The following FBN3 variants were observed in gnomAD, a reference collection of about 807,000 sequenced individuals.
FBN3 encodes the protein fibrillin-3.
FBN3 carries 234 observed loss-of-function variants against 330.1 expected under a neutral mutation model. That is an observed-to-expected ratio of 0.71 (90% CI 0.64 to 0.79). FBN3 has a LOEUF of 0.79. Ranked by LOEUF, FBN3 falls within the 30% of genes least tolerant of loss-of-function variation. FBN3 has a pLI of 0.00. For synonymous variants in FBN3, 1,458 were observed against 1,517.3 expected, an observed-to-expected ratio of 0.96 and a Z score of 0.91; for missense variants, 3,606 against 3,886.9, an observed-to-expected ratio of 0.93 and a Z score of 1.92.
chr19:8,095,611 C>T (rs2082192233), intron 45 of FBN3, 108 bp from the exon 46 acceptor site: 2 of 1,207,644 alleles, frequency 1.7e-6, no homozygotes, highest in Non-Finnish European at 2.3e-6. Context: ...TTGGCTTCAA[C>T]TTGAGCACTC....
intron 37 of FBN3, among the ~76,000 whole-genome samples, chr19:8,106,478 C>T (rs1292565403): frequency 6.6e-6 from 1 of 152,240 alleles, no homozygotes. Flanking sequence ...CACATAGTTT[C>T]CTCTAGATAG....
At position 8,118,884 on chromosome 19, in the gene FBN3, GA is replaced by G. The variant is rs756682741; in HGVS notation, c.3337+12del. 3.1e-6 allele frequency: 5 copies of G among 1,605,274 alleles called. No individual in the cohort carries two copies. Among genetic ancestry groups the G allele is most frequent in the Non-Finnish European group, 4.3e-6 (5 of 1,172,816 alleles). On this transcript the variant is annotated intron_variant, in intron 26 of 63. Transcript: ENST00000600128. ...GCTAACACTCACACTTGCACACCCAGATGCACACTTACCCTCACAGGCAGTG... is the reference window on the plus strand; with the variant it reads ...GCTAACACTCACACTTGCACACCCAGTGCACACTTACCCTCACAGGCAGTG...
At chr19:8,124,054 C>G (rs1224254462) in intron 22 of FBN3, 46 bp from the exon 23 acceptor site, 2 of 1,506,362 alleles carry the variant, frequency 1.3e-6, no homozygotes, top group Admixed American at 1.8e-5. Flanking sequence ...CCACACTGTG[C>G]CCACTGCGGG....
Position 8,126,743 on chromosome 19 carries a change from G to T in FBN3, c.2386C>A (p.Arg796=), listed in dbSNP as rs113517176. Residue 796 remains arginine, a synonymous_variant, in exon 19 of 64, where the codon CGG becomes AGG. Coordinates refer to ENST00000600128, the MANE Select transcript of FBN3 (RefSeq NM_032447.5). ...SYTCKCGPGS[R]LDPSGTFCLD... is the part of the protein sequence containing the mutation. ...CAGAAGGTACCAGAGGGGTCCAGCC[G>T]GCTGCCAGGGCCACATTTGCAGGTG... 2 of 1,589,206 alleles carry T rather than the reference G, an allele frequency of 1.3e-6. No individual in the cohort carries two copies. The highest frequency in any genetic ancestry group is 1.8e-5 in the Admixed American group (1 of 55,190).
chr19:8,082,465 CCTT>C (rs1378949150), intron 57 of FBN3, among the ~76,000 whole-genome samples: 7 of 70,998 alleles, frequency 9.9e-5, no homozygotes, highest in African/African-American at 6.6e-4. Flanking sequence ...TCCCTTCCTT[CCTT>C]CCTTCCTTCC....
chr19:8,130,627 A>AGGAAGGAAGGAAGGAAGG (rs57559039), intron 16 of FBN3, among the ~76,000 whole-genome samples: 2 of 29,644 alleles, frequency 6.7e-5, no homozygotes, highest in South Asian at 1.0e-3. Flanking sequence ...AAAGAAAGAA[A>AGGAAGGAAGGAAGGAAGG]GAAAGAAAGA....
chr19:8,102,711 G>T lies in FBN3; in HGVS notation c.5089+13C>A. On this transcript the variant is annotated intron_variant, in intron 40 of 63. Transcript: ENST00000600128. ...GGGCCAGGCTGGGAAGAAGGTTGGG[G>T]AGGGTTACTCACGACTGATGGGAGT... The T allele has an allele frequency of 6.2e-7, 1 of 1,606,700 alleles. No homozygotes were observed. Among genetic ancestry groups the T allele is most frequent in the Non-Finnish European group, 8.5e-7 (1 of 1,174,514 alleles).
intron 59 of FBN3, among the ~76,000 whole-genome samples, chr19:8,075,735 C>T (rs559342556): frequency 2.0e-5 from 3 of 152,238 alleles, no homozygotes; most frequent in Admixed American, 6.5e-5. Flanking sequence ...TGTGTGCATG[C>T]GAGAATTAAA....
chr19:8,073,300 G>A lies in FBN3; in HGVS notation c.7703-3C>T, dbSNP rs746600710. ...CGACAGGGCACACTCATTCTCATCT[G>A]TGGGAGGAAAGGAGGAGGAGAGGGA... On this transcript the variant is annotated splice_region_variant and splice_polypyrimidine_tract_variant and intron_variant, in intron 61 of 63. Transcript: ENST00000600128. 1 of 1,611,212 alleles carries A rather than the reference G, an allele frequency of 6.2e-7. No homozygotes were observed. Among genetic ancestry groups the A allele is most frequent in the Non-Finnish European group, 8.5e-7 (1 of 1,177,912 alleles).
At position 8,131,098 on chromosome 19, in the gene FBN3, C is replaced by A. The variant is rs560266430; in HGVS notation, c.2044+137G>T. On this transcript the variant is annotated intron_variant, in intron 16 of 63. Transcript: ENST00000600128. The surrounding 1 kb of genome is among the most constrained non-coding windows in gnomAD (Gnocchi z 4.5). The stretch of plus-strand genomic sequence containing the variant: ...TGCAGGAGTGTGAGAGAATCAGCTT[C>A]TGTTGTTGAAGCCGTCTGGTCTGGG... The A allele has an allele frequency of 1.4e-6, 1 of 711,930 alleles. No individual in the cohort carries two copies. Among genetic ancestry groups the A allele is most frequent in the Admixed American group, 2.6e-5 (1 of 38,046 alleles). 44.1% of individuals were successfully genotyped at this position (711,930 alleles called of 1,614,324 possible).
rs1017988617 is a variant in FBN3 at position 8,129,437 on chromosome 19, C to T, written c.2045-72G>A. On this transcript the variant is annotated intron_variant, in intron 16 of 63. Transcript: ENST00000600128. This position sits in a 1 kb window ranked among gnomAD's most constrained non-coding sequence, Gnocchi z 4.5. ...TCCGAGGCAGGAGGAGGGTGTGTCG[C>T]GGCGCACCAGGGGTCTCTAGAAGTC... The T allele has an allele frequency of 8.0e-5, 126 of 1,581,092 alleles. No individual in the cohort carries two copies. Among genetic ancestry groups the T allele is most frequent in the Admixed American group, 3.3e-4 (19 of 58,332 alleles).
intron 45 of FBN3, 35 bp from the exon 46 acceptor site, chr19:8,095,538 C>G (rs200227919): frequency 6.2e-7 from 1 of 1,603,974 alleles, no homozygotes; most frequent in Non-Finnish European, 8.5e-7. Flanking sequence ...AGTTCACCCA[C>G]AAAACTTGAA....
intron 61 of FBN3, among the ~76,000 whole-genome samples, chr19:8,073,552 T>C (rs1454368951): frequency 6.6e-6 from 1 of 152,216 alleles, no homozygotes. Flanking sequence ...TAGAACAAGC[T>C]TTCTCACCCT....
intron 22 of FBN3, 26 bp downstream of exon 22, chr19:8,125,864 CCT>C: frequency 6.3e-7 from 1 of 1,586,566 alleles, no homozygotes; most frequent in Non-Finnish European, 8.6e-7. Flanking sequence ...AACGTGTGGC[CCT>C]GTATGCGGAC....
chr19:8,138,132 A>G lies in FBN3; in HGVS notation c.1201+9T>C. On this transcript the variant is annotated intron_variant, in intron 10 of 63. Transcript: ENST00000600128. ...TCTTGGAATGTTCCTCCCAAGCCCCAGGCCTCACCAATATTAGAGTTGCCA... is the reference window on the plus strand; with the variant it reads ...TCTTGGAATGTTCCTCCCAAGCCCCGGGCCTCACCAATATTAGAGTTGCCA... The G allele has an allele frequency of 1.2e-6, 2 of 1,603,020 alleles. No homozygotes were observed. Among genetic ancestry groups the G allele is most frequent in the Non-Finnish European group, 1.7e-6 (2 of 1,175,730 alleles).
Position 8,121,276 on chromosome 19 carries a change from G to T in FBN3, c.3193C>A (p.Leu1065Met). The T allele has an allele frequency of 6.2e-7, 1 of 1,609,770 alleles. No individual in the cohort carries two copies. The highest frequency in any genetic ancestry group is 8.5e-7 in the Non-Finnish European group (1 of 1,177,608). ...CFPGYESGFM[L>M]MKNCMDVDEC... The stretch of plus-strand genomic sequence containing the variant: ...CACCGACCCATGCAGTTCTTCATCA[G>T]CATGAAGCCACTCTCGTAGCCGGGA... Residue 1065 changes from leucine to methionine, a missense_variant, in exon 25 of 64, where the codon CTG becomes ATG. Physicochemically the swap from Leu to Met is conservative, Grantham distance 15 (BLOSUM62 2). Coordinates refer to ENST00000600128, the MANE Select transcript of FBN3 (RefSeq NM_032447.5). The surrounding 1 kb of genome is among the most constrained non-coding windows in gnomAD (Gnocchi z 4.5).
In FBN3 at chr19:8,133,099, G is replaced by A. The variant is rs35202360; in HGVS notation, c.1599C>T (p.Asn533=). ...SPDGKNCVDH[N]ECATSTMCVN... is the part of the protein sequence containing the mutation. ...CGCACATGGTGCTGGTGGCACACTC[G>A]TTGTGGTCTGGGGACAACAGCAGAG... The change falls in exon 14 of 64, where the codon AAC becomes AAT. Residue 533 remains asparagine, a synonymous_variant. Transcript: ENST00000600128. 129,732 of 1,574,080 alleles carry A rather than the reference G, an allele frequency of 0.082. 5,855 individuals carry two copies. The highest frequency in any genetic ancestry group is 0.092 in the Non-Finnish European group (106,322 of 1,160,996).
chr19:8,088,080 C>G lies in FBN3; in HGVS notation c.6476G>C (p.Gly2159Ala). 1 of 1,614,112 alleles carries G rather than the reference C, an allele frequency of 6.2e-7. No homozygotes were observed. The highest frequency in any genetic ancestry group is 8.5e-7 in the Non-Finnish European group (1 of 1,180,030). ...TGTACCCTCGCAGGTCATCATGAGGCCAGGCTCAAAGCCGTCAGCACAGGC... is the reference window on the plus strand; with the variant it reads ...TGTACCCTCGCAGGTCATCATGAGGGCAGGCTCAAAGCCGTCAGCACAGGC... ...ECACADGFEP[G>A]LMMTCEDIDE... The change falls in exon 52 of 64, where the codon GGC (glycine) becomes GCC (alanine). Residue 2159 changes from glycine (G) to alanine (A), a missense_variant. Coordinates refer to ENST00000600128, the MANE Select transcript of FBN3 (RefSeq NM_032447.5).
chr19:8,112,921 T>C (rs1309747608), intron 30 of FBN3, among the ~76,000 whole-genome samples: 1 of 152,244 alleles, frequency 6.6e-6, no homozygotes, highest in Non-Finnish European at 1.5e-5. Flanking sequence ...GATGCTCTGT[T>C]ATGTAACACT....
Sources: gnomAD v4.1 joint callset for allele counts (sites outside exome capture counted in the v4.1 genomes callset) on GRCh38, gnomAD v4.1.1 for gene constraint, Gnocchi (gnomAD v3.1) non-coding constraint, MANE v1.5 for transcripts, NCBI Gene and HGNC (gene_info 2026-07-23, HGNC 2026-07-21) for gene names.